Variants in COL5A1 observed in about 807,000 individuals in gnomAD.
COL5A1 encodes the protein collagen type V alpha 1 chain.
A neutral mutation model predicts 263.7 loss-of-function variants in COL5A1; 16 were observed. The observed-to-expected ratio is 0.06, with a 90% CI of 0.04 to 0.09. COL5A1 has a LOEUF of 0.09. Among genes scored for constraint, COL5A1 ranks in the 10% least tolerant of loss-of-function variants. The probability of loss-of-function intolerance (pLI) is 1.00; values close to 1 mark genes in which losing one functional copy is unlikely to be tolerated. For missense variants in COL5A1, 2,036 were observed against 2,540.5 expected, an observed-to-expected ratio of 0.80 and a Z score of 4.27; for synonymous variants, 1,012 against 1,004.5, an observed-to-expected ratio of 1.01 and a Z score of -0.14.
chr9:134,652,678 G>C lies in COL5A1; in HGVS notation c.109+10382G>C, dbSNP rs1401221687. The C allele has an allele frequency of 2.1e-6, 1 of 470,846 alleles. No individual in the cohort carries two copies. Among genetic ancestry groups the C allele is most frequent in the South Asian group, 1.5e-5 (1 of 64,562 alleles). The allele number at this position is 470,846 out of a possible 1,614,324, so 29.2% of individuals were successfully genotyped here. On this transcript the variant is annotated intron_variant, in intron 1 of 65. Transcript: ENST00000371817. The surrounding 1 kb of genome is among the most constrained non-coding windows in gnomAD (Gnocchi z 4.4). ...GAGGCTGCAGGAATCGTGGGATAGAGGAAGCAAAGGTGAGATTCCGTGGCC... is the reference window on the plus strand; with the variant it reads ...GAGGCTGCAGGAATCGTGGGATAGACGAAGCAAAGGTGAGATTCCGTGGCC...
chr9:134,702,279 C>A (rs1205589198), intron 4 of COL5A1, among the ~76,000 whole-genome samples: 1 of 152,226 alleles, frequency 6.6e-6, no homozygotes, highest in Non-Finnish European at 1.5e-5. Flanking sequence ...TGTTCGAAAG[C>A]CACTGGCTTA....
intron 4 of COL5A1, among the ~76,000 whole-genome samples, chr9:134,709,791 C>T (rs542995651): frequency 1.3e-5 from 2 of 152,316 alleles, no homozygotes; most frequent in East Asian, 1.9e-4. Context: ...GCTGGGCTGA[C>T]GGCGGATGTT....
intron 4 of COL5A1, among the ~76,000 whole-genome samples, chr9:134,707,181 CG>C (rs886385723): frequency 1.3e-5 from 2 of 152,078 alleles, no homozygotes; most frequent in Non-Finnish European, 2.9e-5. Context: ...AGAACTGCCC[CG>C]GGGGACAGCC....
intron 4 of COL5A1, chr9:134,709,292 G>A: frequency 4.0e-6 from 1 of 248,496 alleles, no homozygotes; most frequent in South Asian, 3.5e-5. Flanking sequence ...GGGCTGCTGA[G>A]CTGTGCCTGG....
Position 134,794,705 on chromosome 9 carries a change from T to C in COL5A1, c.2701-377T>C, listed in dbSNP as rs894067719. On this transcript the variant is annotated intron_variant, in intron 32 of 65. Transcript: ENST00000371817. The surrounding 1 kb of genome is among the most constrained non-coding windows in gnomAD (Gnocchi z 4.3). ...TCTTCTCTTTTCTTGCAATAATGAT[T>C]TCCCTCCCTGCTGAGGACAGAGAGA... Among the ~76,000 whole-genome samples the C allele has an allele frequency of 6.6e-6, 1 of 151,958 alleles. No homozygotes were observed. The highest frequency in any genetic ancestry group is 2.4e-5 in the African/African-American group (1 of 41,418).
At chr9:134,671,576 C>T (rs1326797412) in intron 1 of COL5A1, among the ~76,000 whole-genome samples, 4 of 152,320 alleles carry the variant, frequency 2.6e-5, no homozygotes, top group East Asian at 3.9e-4. Context: ...GCTGAGTCAG[C>T]AGAGCCAGAG....
At chr9:134,667,220 G>T (rs1017292111) in intron 1 of COL5A1, among the ~76,000 whole-genome samples, 2 of 152,176 alleles carry the variant, frequency 1.3e-5, no homozygotes, top group Non-Finnish European at 2.9e-5. Flanking sequence ...CCCGTGGAAT[G>T]GATGCACACA....
chr9:134,756,493 G>A (rs1417515752), intron 16 of COL5A1, among the ~76,000 whole-genome samples: 1 of 152,200 alleles, frequency 6.6e-6, no homozygotes, highest in Non-Finnish European at 1.5e-5. Flanking sequence ...GAAGCCCAGG[G>A]GCAGTGGCGT....
In COL5A1 at chr9:134,765,360, C is replaced by A. The variant is rs571245657; in HGVS notation, c.2035-321C>A. ...ATAGCGTGGTGATTCTCTGGGGGAG[C>A]GTCTGCTCACCTGCCCCAGCAAGTG... is the stretch of plus-strand genomic sequence containing the variant. On this transcript the variant is annotated intron_variant, in intron 20 of 65. Coordinates refer to ENST00000371817, the MANE Select transcript of COL5A1 (RefSeq NM_000093.5). The surrounding 1 kb of genome is among the most constrained non-coding windows in gnomAD (Gnocchi z 5.1). Among the ~76,000 whole-genome samples the A allele has an allele frequency of 3.3e-5, 5 of 152,186 alleles. No individual in the cohort carries two copies. In the East Asian group the frequency reaches 9.7e-4, roughly 30 times the overall value.
intron 1 of COL5A1, among the ~76,000 whole-genome samples, chr9:134,669,187 CT>C (rs1458748962): frequency 4.7e-5 from 7 of 148,448 alleles, no homozygotes; most frequent in Non-Finnish European, 1.0e-4. Context: ...TTCCCTTTCA[CT>C]TTTCCTTTCC....
chr9:134,799,649 T>C (rs1838038084), intron 37 of COL5A1, among the ~76,000 whole-genome samples: 1 of 152,204 alleles, frequency 6.6e-6, no homozygotes, highest in Non-Finnish European at 1.5e-5. Context: ...AAAATCCCCT[T>C]TGTCTCTCTT....
chr9:134,756,702 G>T, intron 16 of COL5A1, 63 bp from the exon 17 acceptor site: 1 of 1,545,142 alleles, frequency 6.5e-7, no homozygotes, highest in Non-Finnish European at 8.9e-7. Flanking sequence ...GGAAAACCAT[G>T]GCCCGGGGGT....
chr9:134,736,717 T>G (rs1835112584), intron 9 of COL5A1, among the ~76,000 whole-genome samples: 1 of 152,210 alleles, frequency 6.6e-6, no homozygotes, highest in African/African-American at 2.4e-5. Context: ...TGATGAGACT[T>G]AGGCTCAAAT....
intron 63 of COL5A1, among the ~76,000 whole-genome samples, chr9:134,827,948 C>T (rs998658723): frequency 6.6e-6 from 1 of 152,200 alleles, no homozygotes; most frequent in Admixed American, 6.5e-5. Context: ...ATGGGACACC[C>T]CTTTCCTCCA....
chr9:134,805,254 T>G (rs1399183878), intron 41 of COL5A1, 40 bp downstream of exon 41: 2 of 1,610,226 alleles, frequency 1.2e-6, no homozygotes, highest in African/African-American at 2.7e-5. Flanking sequence ...TCTTGAATCC[T>G]ACTCTCCAGG....
intron 18 of COL5A1, among the ~76,000 whole-genome samples, chr9:134,760,189 C>T (rs1588515099): frequency 8.0e-6 from 1 of 125,084 alleles, no homozygotes; most frequent in Admixed American, 8.1e-5. Flanking sequence ...ACATACACCC[C>T]CACACCCCCA....
Position 134,816,684 on chromosome 9 carries a change from C to T in COL5A1, c.4123-342C>T, listed in dbSNP as rs563338886. Among the ~76,000 whole-genome samples, 8 of 152,336 alleles carry T rather than the reference C, an allele frequency of 5.3e-5. No individual in the cohort carries two copies. The South Asian group carries it at 1.0e-3, about 20-fold the overall frequency. On this transcript the variant is annotated intron_variant, in intron 52 of 65. Transcript: ENST00000371817. ...CCACTTCCCGGCCTGTGTCCTGGGA[C>T]GATTCTTGTCCCCCCTTCTGTGAAA...
chr9:134,752,757 C>G, intron 14 of COL5A1, 112 bp downstream of exon 14: 2 of 843,722 alleles, frequency 2.4e-6, no homozygotes, highest in South Asian at 2.9e-5. Flanking sequence ...ACAGAGCGGC[C>G]CTTGGTCCAG....
intron 4 of COL5A1, among the ~76,000 whole-genome samples, chr9:134,707,596 G>A (rs1459023156): frequency 8.5e-5 from 13 of 152,216 alleles, no homozygotes; most frequent in African/African-American, 3.1e-4. Flanking sequence ...CGTCCCCCAG[G>A]GCGTCAGGCC....
Sources: allele counts gnomAD v4.1 joint callset (sites outside exome capture counted in the v4.1 genomes callset), GRCh38; gene constraint gnomAD v4.1.1; non-coding constraint Gnocchi (gnomAD v3.1); transcripts MANE v1.5; gene names NCBI Gene and HGNC (gene_info 2026-07-23, HGNC 2026-07-21).